Variants in JAZF1 observed in about 807,000 individuals in gnomAD.
The protein encoded by JAZF1 is juxtaposed with another zinc finger protein 1.
In JAZF1, 8 loss-of-function variants were observed where a neutral mutation model predicts 26.4. The observed-to-expected ratio is 0.30, with a 90% confidence interval of 0.18 to 0.55. The LOEUF (loss-of-function observed/expected upper bound fraction) is 0.55. Among genes scored for constraint, JAZF1 ranks in the 20% least tolerant of loss-of-function variants. The pLI, the probability that JAZF1 is intolerant of heterozygous loss-of-function variation, is 0.94. For synonymous variants in JAZF1, 126 were observed against 122.3 expected, an observed-to-expected ratio of 1.03 and a Z score of -0.20; for missense variants, 199 against 322.0, an observed-to-expected ratio of 0.62 and a Z score of 2.92.
At chr7:28,043,281 CT>C (rs1415091518) in intron 1 of JAZF1, among the ~76,000 whole-genome samples, 11 of 152,156 alleles carry the variant, frequency 7.2e-5, no homozygotes, top group African/African-American at 2.4e-4. Flanking sequence ...AGAACATGAG[CT>C]CTTTGGTTGC....
intron 1 of JAZF1, among the ~76,000 whole-genome samples, chr7:28,146,373 G>T (rs1208492107): frequency 6.6e-6 from 1 of 152,196 alleles, no homozygotes; most frequent in Non-Finnish European, 1.5e-5. Flanking sequence ...TCTGTAACTT[G>T]TCCCACTGTG....
chr7:28,054,552 G>C (rs1424451724), intron 1 of JAZF1, among the ~76,000 whole-genome samples: 2 of 152,034 alleles, frequency 1.3e-5, no homozygotes, highest in East Asian at 3.9e-4. Context: ...TACACTTGCT[G>C]ACAGGATCTC....
At chr7:27,898,058 T>C (rs1784101001) in intron 2 of JAZF1, among the ~76,000 whole-genome samples, 1 of 152,126 alleles carries the variant, frequency 6.6e-6, no homozygotes, top group South Asian at 2.1e-4. Context: ...CATTATTATA[T>C]CGTTATGTCT....
intron 2 of JAZF1, among the ~76,000 whole-genome samples, chr7:27,924,500 G>C (rs1288323424): frequency 1.3e-5 from 2 of 152,172 alleles, no homozygotes; most frequent in Non-Finnish European, 2.9e-5. Context: ...ACTATAATAA[G>C]AGCATAAAAA....
intron 3 of JAZF1, 70 bp downstream of exon 3, chr7:27,895,150 C>T (rs375717438): frequency 4.6e-6 from 5 of 1,075,300 alleles, no homozygotes; most frequent in Admixed American, 6.1e-5. Context: ...TTTCTGCCCC[C>T]AGCACATCAC....
intron 1 of JAZF1, among the ~76,000 whole-genome samples, chr7:28,133,133 GA>G (rs1782823593): frequency 6.6e-6 from 1 of 152,160 alleles, no homozygotes; most frequent in African/African-American, 2.4e-5. Context: ...CACTAAAACA[GA>G]AGATTCATTC....
chr7:27,924,804 C>T (rs1198423433), intron 2 of JAZF1, among the ~76,000 whole-genome samples: 10 of 152,100 alleles, frequency 6.6e-5, no homozygotes, highest in Admixed American at 4.6e-4. Context: ...TGGGCAAATC[C>T]GCATAAAGCT....
At chr7:27,987,760 T>G (rs1361963573) in intron 2 of JAZF1, among the ~76,000 whole-genome samples, 1 of 152,010 alleles carries the variant, frequency 6.6e-6, no homozygotes, top group Non-Finnish European at 1.5e-5. Flanking sequence ...AAGGGGGAAA[T>G]GGGAAAAGAA....
chr7:28,158,820 A>G (rs879296855), intron 1 of JAZF1, among the ~76,000 whole-genome samples: 1 of 152,202 alleles, frequency 6.6e-6, no homozygotes, highest in Admixed American at 6.5e-5. Flanking sequence ...TCTGATATGG[A>G]CATAGACTGG....
intron 4 of JAZF1, among the ~76,000 whole-genome samples, chr7:27,834,956 A>C (rs1030103091): frequency 1.3e-5 from 2 of 152,254 alleles, no homozygotes; most frequent in Non-Finnish European, 2.9e-5. Flanking sequence ...AATATGGTGG[A>C]AAGTATCCTG....
At chr7:28,119,118 C>T (rs543138491) in intron 1 of JAZF1, among the ~76,000 whole-genome samples, 4 of 152,210 alleles carry the variant, frequency 2.6e-5, no homozygotes, top group Non-Finnish European at 5.9e-5. Context: ...CATGCTGCTC[C>T]CCAGGCAGCC....
At chr7:28,131,804 T>C (rs1370549154) in intron 1 of JAZF1, among the ~76,000 whole-genome samples, 2 of 152,242 alleles carry the variant, frequency 1.3e-5, no homozygotes, top group African/African-American at 4.8e-5. Context: ...TACTTTGCCA[T>C]GGGCATTTGT....
intron 3 of JAZF1, among the ~76,000 whole-genome samples, chr7:27,870,075 A>ATTTTTTTTTTTTTTTTTT (rs371770357): frequency 2.5e-5 from 3 of 120,662 alleles, no homozygotes; most frequent in Non-Finnish European, 1.7e-5. Context: ...CACCCGGTTA[A>ATTTTTTTTTTTTTTTTTT]TTTTTTTTTT....
chr7:28,178,854 A>G (rs957306446), intron 1 of JAZF1, among the ~76,000 whole-genome samples: 33 of 152,258 alleles, frequency 2.2e-4, no homozygotes, highest in African/African-American at 7.7e-4. Context: ...AAAAGTTTCA[A>G]AACCTGGACA....
At chr7:28,024,587 A>G (rs1394221056) in intron 1 of JAZF1, among the ~76,000 whole-genome samples, 1 of 152,208 alleles carries the variant, frequency 6.6e-6, no homozygotes, top group Non-Finnish European at 1.5e-5. Flanking sequence ...TTGGTGATAA[A>G]CAATAAGTAG....
chr7:27,851,433 G>A (rs907090763), intron 3 of JAZF1, among the ~76,000 whole-genome samples: 1 of 152,146 alleles, frequency 6.6e-6, no homozygotes, highest in African/African-American at 2.4e-5. Flanking sequence ...AGGATCATTT[G>A]AAGGCAGAAG....
chr7:28,126,479 T>C (rs1381654759), intron 1 of JAZF1, among the ~76,000 whole-genome samples: 1 of 149,912 alleles, frequency 6.7e-6, no homozygotes, highest in Non-Finnish European at 1.5e-5. Context: ...GGAGGATACC[T>C]TCTGCACAGA....
intron 2 of JAZF1, among the ~76,000 whole-genome samples, chr7:27,989,628 T>C (rs1408326549): frequency 6.6e-6 from 1 of 152,186 alleles, no homozygotes; most frequent in Non-Finnish European, 1.5e-5. Flanking sequence ...GCAAAGTGTA[T>C]GAACAGACGC....
chr7:27,857,333 C>T (rs1783286194), intron 3 of JAZF1, among the ~76,000 whole-genome samples: 1 of 152,230 alleles, frequency 6.6e-6, no homozygotes, highest in Non-Finnish European at 1.5e-5. Context: ...CCACGCCCAC[C>T]CGGAACTCGT....
Sources: allele counts gnomAD v4.1 joint callset (sites outside exome capture counted in the v4.1 genomes callset), GRCh38; gene constraint gnomAD v4.1.1; transcripts MANE v1.5; gene names NCBI Gene and HGNC (gene_info 2026-07-23, HGNC 2026-07-21).